The following NHS variants were observed in gnomAD, a reference collection of about 807,000 sequenced individuals.
The protein encoded by NHS is actin remodeling regulator NHS.
Under a neutral mutation model 72.5 loss-of-function variants are expected in NHS, and 5 were observed. The ratio of observed to expected loss-of-function variants is 0.07; its 90% CI spans 0.04 to 0.14. NHS has a LOEUF of 0.14. Ranked by LOEUF, NHS falls within the 10% of genes least tolerant of loss-of-function variation. NHS has a pLI of 1.00. For missense variants in NHS, 1,072 were observed against 1,355.7 expected, an observed-to-expected ratio of 0.79 and a Z score of 3.29; for synonymous variants, 464 against 547.7, an observed-to-expected ratio of 0.85 and a Z score of 2.13.
chrX:17,461,937 A>G (rs868856878), intron 1 of NHS, among the ~76,000 whole-genome samples: 27 of 111,540 alleles, frequency 2.4e-4, no homozygotes, highest in African/African-American at 8.8e-4. Context: ...GAGCAACAAC[A>G]GAGTCCCAGT....
intron 1 of NHS, among the ~76,000 whole-genome samples, chrX:17,428,699 C>T (rs1165624256): frequency 8.9e-6 from 1 of 111,746 alleles, no homozygotes; most frequent in Non-Finnish European, 1.9e-5. Flanking sequence ...CTACATACTG[C>T]CAGAAAGTCT....
intron 1 of NHS, among the ~76,000 whole-genome samples, chrX:17,615,229 T>C (rs200725215): frequency 9.2e-4 from 79 of 85,642 alleles, no homozygotes; most frequent in African/African-American, 3.7e-3. Flanking sequence ...TATATACACA[T>C]ATATATACGT....
intron 1 of NHS, among the ~76,000 whole-genome samples, chrX:17,376,657 C>T (rs1601678847): frequency 8.9e-6 from 1 of 112,631 alleles, no homozygotes; most frequent in East Asian, 2.8e-4. Flanking sequence ...CCTTCACCAC[C>T]GGGGCTCGCC....
At chrX:17,514,774 C>T (rs747279580) in intron 1 of NHS, among the ~76,000 whole-genome samples, 2 of 112,007 alleles carry the variant, frequency 1.8e-5, no homozygotes, top group Non-Finnish European at 3.8e-5. Flanking sequence ...TTGAGACACC[C>T]TGGTTTCAAC....
chrX:17,729,428 C>T (rs2066473027), intron 8 of NHS, among the ~76,000 whole-genome samples: 1 of 112,695 alleles, frequency 8.9e-6, no homozygotes, highest in East Asian at 2.8e-4. Context: ...AAAGACAATA[C>T]GTGTTCCTGT....
intron 1 of NHS, among the ~76,000 whole-genome samples, chrX:17,466,616 CA>C (rs1349469755): frequency 9.0e-6 from 1 of 111,709 alleles, no homozygotes; most frequent in African/African-American, 3.3e-5. Flanking sequence ...GGAGGGTTGA[CA>C]AATCTGGTTG....
At chrX:17,527,391 T>C (rs1418343505) in intron 1 of NHS, among the ~76,000 whole-genome samples, 1 of 112,877 alleles carries the variant, frequency 8.9e-6, no homozygotes. Flanking sequence ...TCAGGGCATT[T>C]CAGGGAGCAG....
chrX:17,536,130 C>T (rs749203261), intron 1 of NHS, among the ~76,000 whole-genome samples: 4 of 111,560 alleles, frequency 3.6e-5, no homozygotes, highest in Admixed American at 9.5e-5. Flanking sequence ...ACAAGGCAGG[C>T]GGATCATGAG....
chrX:17,635,457 C>A (rs780503351), intron 1 of NHS: 82 of 1,164,725 alleles, frequency 7.0e-5, no homozygotes, highest in Admixed American at 2.9e-4. Flanking sequence ...TCCATCCCCC[C>A]CGCCGTGCTT....
chrX:17,594,153 C>A (rs1352331144), intron 1 of NHS, among the ~76,000 whole-genome samples: 1 of 111,936 alleles, frequency 8.9e-6, no homozygotes, highest in Non-Finnish European at 1.9e-5. Context: ...ATGAAGAAAT[C>A]TATGTTCAGA....
At chrX:17,623,128 G>A (rs1182153545) in intron 1 of NHS, among the ~76,000 whole-genome samples, 1 of 110,615 alleles carries the variant, frequency 9.0e-6, no homozygotes, top group Non-Finnish European at 1.9e-5. Flanking sequence ...ATAGAAACGA[G>A]GGGTCTCCCT....
At position 17,735,094 on chromosome X, in the gene NHS, T is replaced by C. The variant is rs950162159; in HGVS notation, c.*2630T>C. The C allele has an allele frequency of 1.5e-4, 17 of 112,892 alleles. No homozygotes were observed. The highest frequency in any genetic ancestry group is 3.8e-5 in the Non-Finnish European group (2 of 53,322). 9.3% of individuals were successfully genotyped at this position (112,892 alleles called of 1,213,427 possible). A position where few individuals can be genotyped will look rare whatever the true frequency, so the allele number is the denominator to read the frequency against. ...GATCACAGAACTAACCCTTATAATA[T>C]AGTTTTACTTATTTTGTTTACTCTA... On this transcript the variant is annotated 3_prime_UTR_variant, in exon 9 of 9. Transcript: ENST00000676302.
At chrX:17,415,091 A>G (rs1237136159) in intron 1 of NHS, among the ~76,000 whole-genome samples, 2 of 111,298 alleles carry the variant, frequency 1.8e-5, no homozygotes, top group Admixed American at 1.9e-4. Flanking sequence ...AGCTGAGCAG[A>G]TGACAAGTCT....
At chrX:17,421,704 G>A (rs2064624618) in intron 1 of NHS, among the ~76,000 whole-genome samples, 1 of 110,235 alleles carries the variant, frequency 9.1e-6, no homozygotes, top group South Asian at 3.9e-4. Context: ...AGCCTCCCAA[G>A]TAGCTGGGAT....
intron 1 of NHS, among the ~76,000 whole-genome samples, chrX:17,429,372 C>T (rs921218501): frequency 1.8e-5 from 2 of 111,272 alleles, no homozygotes; most frequent in East Asian, 2.8e-4. Flanking sequence ...AGTATTCCTG[C>T]GGGCAATTCC....
intron 1 of NHS, among the ~76,000 whole-genome samples, chrX:17,578,834 C>T (rs779108597): frequency 5.4e-5 from 6 of 111,892 alleles, no homozygotes; most frequent in South Asian, 3.7e-4. Context: ...AATAAGTGTT[C>T]GCTAGTATCT....
intron 1 of NHS, among the ~76,000 whole-genome samples, chrX:17,683,025 G>C (rs1018221260): frequency 9.0e-6 from 1 of 111,731 alleles, no homozygotes; most frequent in African/African-American, 3.3e-5. Flanking sequence ...GCTCATTTCA[G>C]AGGACCCCAG....
rs775351254 is a variant in NHS at position 17,687,729 on chromosome X, T to TG, written c.566-13_566-12insG. 2.1e-5 allele frequency: 22 copies of TG among 1,060,366 alleles called. No individual in the cohort carries two copies. In the African/African-American group the frequency reaches 5.1e-4, roughly 24 times the overall value. The allele number at this position is 1,060,366 out of a possible 1,213,427, so 87.4% of individuals were successfully genotyped here. A position where few individuals can be genotyped will look rare whatever the true frequency, so the allele number is the denominator to read the frequency against. Reference sequence around the variant, plus strand: ...AGCCACTGATGGACAACGCCCTGTTTCTTGTCTTGCAGCCGTCTCCAACCT... The same window carrying TG: ...AGCCACTGATGGACAACGCCCTGTTTGCTTGTCTTGCAGCCGTCTCCAACCT... On this transcript the variant is annotated splice_polypyrimidine_tract_variant and intron_variant, in intron 1 of 8. Transcript: ENST00000676302.
chrX:17,607,320 C>G (rs905116809), intron 1 of NHS, among the ~76,000 whole-genome samples: 3 of 111,836 alleles, frequency 2.7e-5, no homozygotes, highest in African/African-American at 9.8e-5. Context: ...TACCAAGCAT[C>G]TCCTCTTAAG....
Sources: allele counts gnomAD v4.1 joint callset (sites outside exome capture counted in the v4.1 genomes callset), GRCh38; gene constraint gnomAD v4.1.1; transcripts MANE v1.5; gene names NCBI Gene and HGNC (gene_info 2026-07-23, HGNC 2026-07-21).